The following TRAPPC9 variants were observed in gnomAD, a reference collection of about 807,000 sequenced individuals.
The protein encoded by TRAPPC9 is trafficking protein particle complex subunit 9.
In TRAPPC9, 83 loss-of-function variants were observed where a neutral mutation model predicts 124.0. The ratio of observed to expected loss-of-function variants is 0.67; its 90% CI spans 0.56 to 0.80. The LOEUF is 0.80. TRAPPC9 is among the 30% of genes least tolerant of loss of function. The pLI, the probability that TRAPPC9 is intolerant of heterozygous loss-of-function variation, is 0.00. For synonymous variants in TRAPPC9, 638 were observed against 617.5 expected (o/e 1.03, Z -0.49); for missense variants, 1,302 against 1,508.3 (o/e 0.86, Z 2.27).
At chr8:140,111,575 C>T (rs1052101452) in intron 17 of TRAPPC9, among the ~76,000 whole-genome samples, 8 of 152,216 alleles carry the variant, frequency 5.3e-5, no homozygotes, top group Non-Finnish European at 1.0e-4. Flanking sequence ...CAGAGCAAGA[C>T]GCCCAGAGCA....
chr8:139,806,604 G>A (rs901076884), intron 21 of TRAPPC9, among the ~76,000 whole-genome samples: 2 of 152,200 alleles, frequency 1.3e-5, no homozygotes, highest in Non-Finnish European at 2.9e-5. Flanking sequence ...AGCTGGGTCC[G>A]GCAGTAGCCG....
chr8:139,835,894 C>T (rs1826307697), intron 21 of TRAPPC9, among the ~76,000 whole-genome samples: 2 of 152,208 alleles, frequency 1.3e-5, no homozygotes, highest in African/African-American at 2.4e-5. Flanking sequence ...GTGGCCTGAG[C>T]TTGCCAGCTG....
chr8:139,795,958 A>G (rs1823032174), intron 21 of TRAPPC9, among the ~76,000 whole-genome samples: 1 of 152,102 alleles, frequency 6.6e-6, no homozygotes, highest in Non-Finnish European at 1.5e-5. Flanking sequence ...TGCTGTCTTT[A>G]AGAATCTCGC....
intron 17 of TRAPPC9, among the ~76,000 whole-genome samples, chr8:140,034,773 A>G (rs1840767970): frequency 1.3e-5 from 2 of 152,244 alleles, no homozygotes; most frequent in Admixed American, 6.5e-5. Flanking sequence ...GCTCACCACT[A>G]TCGAAAGCTT....
chr8:140,118,434 G>C (rs995801620), intron 17 of TRAPPC9, among the ~76,000 whole-genome samples: 2 of 152,234 alleles, frequency 1.3e-5, no homozygotes, highest in African/African-American at 4.8e-5. Flanking sequence ...ATTCTGTAAT[G>C]TCTGAGTATC....
chr8:139,797,236 C>T (rs1823162788), intron 21 of TRAPPC9, among the ~76,000 whole-genome samples: 1 of 151,994 alleles, frequency 6.6e-6, no homozygotes, highest in Admixed American at 6.6e-5. Flanking sequence ...TAGAAACACA[C>T]ATGTTTTTAA....
At chr8:140,049,608 A>G (rs1013335556) in intron 17 of TRAPPC9, among the ~76,000 whole-genome samples, 2 of 151,218 alleles carry the variant, frequency 1.3e-5, no homozygotes, top group East Asian at 3.9e-4. Context: ...AAGGTTATGT[A>G]TCCCTCCCAT....
At chr8:139,870,725 A>T (rs1828847478) in intron 21 of TRAPPC9, among the ~76,000 whole-genome samples, 1 of 152,366 alleles carries the variant, frequency 6.6e-6, no homozygotes, top group Non-Finnish European at 1.5e-5. Context: ...CTGCAGACAC[A>T]ACCAGAAATG....
chr8:140,153,647 TTGAA>T (rs1053720320), intron 17 of TRAPPC9, among the ~76,000 whole-genome samples: 3 of 152,214 alleles, frequency 2.0e-5, no homozygotes, highest in African/African-American at 4.8e-5. Context: ...TATGGCATTG[TTGAA>T]TGAATGAATG....
At chr8:139,794,214 T>C (rs1822895860) in intron 21 of TRAPPC9, among the ~76,000 whole-genome samples, 1 of 152,148 alleles carries the variant, frequency 6.6e-6, no homozygotes, top group South Asian at 2.1e-4. Context: ...CCCACTGTGG[T>C]CCCAGCACCA....
chr8:140,430,541 G>A (rs546343158), intron 4 of TRAPPC9, among the ~76,000 whole-genome samples: 32 of 152,344 alleles, frequency 2.1e-4, no homozygotes, highest in Non-Finnish European at 4.1e-4. Context: ...AGGGCCCCTC[G>A]TAGGAAGGTC....
chr8:139,878,293 T>C (rs1829460470), intron 21 of TRAPPC9, among the ~76,000 whole-genome samples: 1 of 152,208 alleles, frequency 6.6e-6, no homozygotes, highest in Non-Finnish European at 1.5e-5. Flanking sequence ...ATCATCCCTA[T>C]GGACAAAATT....
intron 21 of TRAPPC9, among the ~76,000 whole-genome samples, chr8:139,763,684 ACAC>A (rs1820391227): frequency 6.6e-6 from 1 of 152,206 alleles, no homozygotes; most frequent in Non-Finnish European, 1.5e-5. Flanking sequence ...GCGTGCACAC[ACAC>A]GTCGATCATT....
chr8:139,989,914 T>C (rs1397035724), intron 18 of TRAPPC9, among the ~76,000 whole-genome samples: 2 of 152,166 alleles, frequency 1.3e-5, no homozygotes, highest in Non-Finnish European at 2.9e-5. Flanking sequence ...AGGTCATCGA[T>C]AAATGTCTGC....
chr8:139,924,337 T>C (rs565437279), intron 19 of TRAPPC9, among the ~76,000 whole-genome samples: 19 of 152,182 alleles, frequency 1.2e-4, no homozygotes, highest in African/African-American at 4.3e-4. Flanking sequence ...CTGCTTCCCA[T>C]GGACGACAGG....
upstream of TRAPPC9, chr8:140,458,561 C>A: frequency 6.4e-7 from 1 of 1,572,898 alleles, no homozygotes; most frequent in South Asian, 1.2e-5. Context: ...CCAGCTGGCA[C>A]CATGGCACTC....
intron 17 of TRAPPC9, among the ~76,000 whole-genome samples, chr8:140,128,114 T>G (rs533875584): frequency 1.9e-4 from 29 of 152,358 alleles, no homozygotes; most frequent in African/African-American, 7.0e-4. Flanking sequence ...TTTACAATTG[T>G]GTTAATTTGT....
chr8:139,818,257 G>C (rs902327436), intron 21 of TRAPPC9, among the ~76,000 whole-genome samples: 5 of 152,174 alleles, frequency 3.3e-5, no homozygotes, highest in Non-Finnish European at 7.3e-5. Context: ...GGGGTGGAGA[G>C]TCTGATTAGG....
At chr8:140,226,352 G>A (rs1364452988) in intron 16 of TRAPPC9, among the ~76,000 whole-genome samples, 1 of 152,148 alleles carries the variant, frequency 6.6e-6, no homozygotes, top group Non-Finnish European at 1.5e-5. Context: ...AGTACTTTAG[G>A]AGGCTGAGGT....
Sources: gnomAD v4.1 joint callset for allele counts (sites outside exome capture counted in the v4.1 genomes callset) on GRCh38, gnomAD v4.1.1 for gene constraint, MANE v1.5 for transcripts, NCBI Gene and HGNC (gene_info 2026-07-23, HGNC 2026-07-21) for gene names.